The following NLRC3 variants were observed in gnomAD, a reference collection of about 807,000 sequenced individuals.
NLRC3 encodes the protein NLR family CARD domain-containing protein 3.
In NLRC3, 87 loss-of-function variants were observed where a neutral mutation model predicts 91.6. That is an observed-to-expected ratio of 0.95 (90% confidence interval 0.80 to 1.14). The LOEUF (loss-of-function observed/expected upper bound fraction) is 1.14, where lower values mean the gene tolerates loss of function less well. Ranked by LOEUF, NLRC3 falls within the 50% of genes most tolerant of loss-of-function variation. NLRC3 has a pLI of 0.00. For missense variants in NLRC3, 1,577 were observed against 1,418.6 expected (o/e 1.11, Z -1.79); for synonymous variants, 694 against 625.3 (o/e 1.11, Z -1.64).
In NLRC3 at chr16:3,548,133, A is replaced by T. The variant is rs1434933950; in HGVS notation, c.2771+2T>A. ...CTGCAGCCCCTGGGCAGGCCAACTT[A>T]CTCTAAGCTGGTGAGGCTCCTGTTG... On this transcript the variant is annotated splice_donor_variant, in intron 15 of 19. Transcript: ENST00000359128. LOFTEE classifies it high-confidence loss of function. 6.3e-7 allele frequency: 1 copy of T among 1,577,828 alleles called. No individual in the cohort carries two copies. Among genetic ancestry groups the T allele is most frequent in the East Asian group, 2.3e-5 (1 of 43,258 alleles).
Position 3,563,887 on chromosome 16 carries a change from C to A in NLRC3, c.1050G>T (p.Gln350His). ...TCCTCGGGGGCCACAGCTCTGCATC[C>A]TGGGGCCCCGTCCTGCTGCGCCACA... The part of the protein sequence containing the change: ...GHLWRSRTGP[Q>H]DAELWPPRTL... Residue 350 changes from glutamine (Q) to histidine (H), a missense_variant, in exon 5 of 20, where the codon CAG (glutamine) becomes CAT (histidine). Transcript: ENST00000359128. The A allele has an allele frequency of 6.3e-7, 1 of 1,599,508 alleles. No homozygotes were observed.
rs573534010 is a variant in NLRC3, at chr16:3,557,443, G to C, written c.2099+150C>G. The stretch of plus-strand genomic sequence containing the variant: ...AAATGAAGTATGGATATTATGTCCA[G>C]ATGCTACCCAGGGGCTGAATCATGG... On this transcript the variant is annotated intron_variant, in intron 7 of 19. Coordinates refer to ENST00000359128, the MANE Select transcript of NLRC3 (RefSeq NM_178844.4). 5.3e-5 allele frequency: 32 copies of C among 607,890 alleles called. No homozygotes were observed. In the East Asian group the frequency reaches 7.5e-4, roughly 14 times the overall value. 37.7% of individuals were successfully genotyped at this position (607,890 alleles called of 1,614,324 possible). A position where few individuals can be genotyped will look rare whatever the true frequency, so the allele number is the denominator to read the frequency against.
chr16:3,557,823 A>C (rs2039420056), intron 6 of NLRC3, 147 bp from the exon 7 acceptor site: 2 of 612,196 alleles, frequency 3.3e-6, no homozygotes, highest in Admixed American at 5.3e-5. Flanking sequence ...CCCCTGGAGC[A>C]GAATGCCAGG....
At chr16:3,554,361 C>A (rs754484948) in intron 8 of NLRC3, 36 bp from the exon 9 acceptor site, 1 of 1,533,622 alleles carries the variant, frequency 6.5e-7, no homozygotes, top group Admixed American at 1.7e-5. Context: ...ACTGATGGAG[C>A]AGAAGCTGGA....
chr16:3,549,010 C>G lies in NLRC3; in HGVS notation c.2603+132G>C, dbSNP rs906754174. The G allele has an allele frequency of 6.7e-6, 5 of 745,192 alleles. 1 individual carries two copies. The Admixed American group carries it at 6.9e-5, about 10-fold the overall frequency. The allele number at this position is 745,192 out of a possible 1,614,324, so 46.2% of individuals were successfully genotyped here. A position where few individuals can be genotyped will look rare whatever the true frequency, so the allele number is the denominator to read the frequency against. ...GGACTTGCCACCCGATGTCAGGTCT[C>G]CTGGCTGCACCCTCCCCAGCCAGCT... On this transcript the variant is annotated intron_variant, in intron 13 of 19. Coordinates refer to ENST00000359128, the MANE Select transcript of NLRC3 (RefSeq NM_178844.4).
chr16:3,542,796 C>T, intron 17 of NLRC3, 21 bp from the exon 18 acceptor site: 2 of 1,558,424 alleles, frequency 1.3e-6, no homozygotes, highest in East Asian at 2.3e-5. Flanking sequence ...AGACAGGAAG[C>T]CTAAGGCATG....
intron 1 of NLRC3, among the ~76,000 whole-genome samples, chr16:3,574,057 CTG>C (rs2040195883): frequency 9.2e-6 from 1 of 108,660 alleles, no homozygotes; most frequent in African/African-American, 3.6e-5. Flanking sequence ...GAGTCTCACT[CTG>C]TTGCCTAGGC....
At position 3,564,731 on chromosome 16, in the gene NLRC3, G is replaced by T; in HGVS notation, c.206C>A (p.Ala69Asp). 6.3e-7 allele frequency: 1 copy of T among 1,588,176 alleles called. No individual in the cohort carries two copies. The change falls in exon 5 of 20, where the codon GCC becomes GAC. Residue 69 changes from alanine (A) to aspartate (D), a missense_variant. Coordinates refer to ENST00000359128, the MANE Select transcript of NLRC3 (RefSeq NM_178844.4). This position sits in a 1 kb window ranked among gnomAD's most constrained non-coding sequence, Gnocchi z 5.9. ...NDSRIQRHRK[A>D]LLSKVGGGPE... ...GCCACCTCCCACCTTGCTCAGCAGGGCCTTGCGGTGCCTCTGTATCCTTGA... is the reference window on the plus strand; with the variant it reads ...GCCACCTCCCACCTTGCTCAGCAGGTCCTTGCGGTGCCTCTGTATCCTTGA...
At chr16:3,568,425 A>T (rs56403655) in intron 1 of NLRC3, among the ~76,000 whole-genome samples, 5,258 of 152,242 alleles carry the variant, frequency 0.035, 126 homozygotes, top group Admixed American at 0.05. Context: ...AAGAGGGATA[A>T]AAAATATGGG....
At chr16:3,575,984 C>T (rs1305549519) in intron 1 of NLRC3, among the ~76,000 whole-genome samples, 1 of 152,166 alleles carries the variant, frequency 6.6e-6, no homozygotes, top group East Asian at 1.9e-4. Flanking sequence ...AAAAGCCTTC[C>T]CGAAGGAAGA....
Position 3,541,636 on chromosome 16 carries a change from C to T in NLRC3, c.*189G>A. On this transcript the variant is annotated 3_prime_UTR_variant, in exon 20 of 20. Coordinates refer to ENST00000359128, the MANE Select transcript of NLRC3 (RefSeq NM_178844.4). ...GAGTACCCGTCACCCCCTGCCTGGACCACTCCTGCAGCAGAAGAGGAGCTC... is the reference window on the plus strand; with the variant it reads ...GAGTACCCGTCACCCCCTGCCTGGATCACTCCTGCAGCAGAAGAGGAGCTC... The T allele has an allele frequency of 1.7e-6, 1 of 597,340 alleles. No individual in the cohort carries two copies. 37.0% of individuals were successfully genotyped at this position (597,340 alleles called of 1,614,324 possible).
At chr16:3,562,908 G>GC in intron 5 of NLRC3, 101 bp downstream of exon 5, 1 of 1,069,410 alleles carries the variant, frequency 9.4e-7, no homozygotes, top group Non-Finnish European at 1.4e-6. Context: ...TGTTACGGCA[G>GC]CCCTAGGAGA....
chr16:3,544,512 CAG>C, intron 15 of NLRC3, 183 bp from the exon 16 acceptor site: 1 of 594,202 alleles, frequency 1.7e-6, no homozygotes, highest in Non-Finnish European at 3.0e-6. Context: ...ACTAAGCACA[CAG>C]AGGCGTCTGG....
At chr16:3,565,740 C>G (rs2039853873) in intron 2 of NLRC3, among the ~76,000 whole-genome samples, 1 of 151,988 alleles carries the variant, frequency 6.6e-6, no homozygotes, top group South Asian at 2.1e-4. Context: ...ACAGAACGTA[C>G]AACTCCAAGA....
chr16:3,563,559 C>T lies in NLRC3; in HGVS notation c.1378G>A (p.Glu460Lys). The T allele has an allele frequency of 6.2e-7, 1 of 1,611,948 alleles. No individual in the cohort carries two copies. The highest frequency in any genetic ancestry group is 8.5e-7 in the Non-Finnish European group (1 of 1,179,282). Residue 460 changes from glutamate to lysine, a missense_variant, in exon 5 of 20, where the codon GAG becomes AAG. Coordinates refer to ENST00000359128, the MANE Select transcript of NLRC3 (RefSeq NM_178844.4). Reference protein sequence around the residue: ...AYCFTHLSLQEFVAAAYYYGA... With the variant: ...AYCFTHLSLQKFVAAAYYYGA... Reference sequence around the variant, plus strand: ...TAGTAATACGCGGCTGCCACAAACTCCTGCAGGGACAGGTGGGTGAAGCAG... The same window carrying T: ...TAGTAATACGCGGCTGCCACAAACTTCTGCAGGGACAGGTGGGTGAAGCAG...
At chr16:3,566,033 C>G (rs1414056466) in intron 2 of NLRC3, among the ~76,000 whole-genome samples, 1 of 148,686 alleles carries the variant, frequency 6.7e-6, no homozygotes, top group African/African-American at 2.5e-5. Context: ...GAGCAAGACC[C>G]CATCTCTAAG....
At chr16:3,551,173 C>T (rs553445431) in intron 10 of NLRC3, among the ~76,000 whole-genome samples, 146 of 151,446 alleles carry the variant, frequency 9.6e-4, no homozygotes, top group Non-Finnish European at 5.3e-4. Context: ...TTCATTCAGC[C>T]ATGCCTCCAT....
chr16:3,551,463 T>TCATC (rs1225720884), intron 10 of NLRC3, among the ~76,000 whole-genome samples: 4 of 145,670 alleles, frequency 2.7e-5, no homozygotes, highest in Admixed American at 1.4e-4. Flanking sequence ...ATTCATTCAT[T>TCATC]CATCCACATA....
Position 3,564,238 on chromosome 16 carries a change from G to T in NLRC3, c.699C>A (p.Thr233=), listed in dbSNP as rs749636924. 3.1e-6 allele frequency: 5 copies of T among 1,613,020 alleles called. No individual in the cohort carries two copies. The South Asian group carries it at 5.5e-5, about 18-fold the overall frequency. Residue 233 remains threonine (T), a synonymous_variant, in exon 5 of 20, where the codon ACC becomes ACA. Coordinates refer to ENST00000359128, the MANE Select transcript of NLRC3 (RefSeq NM_178844.4). The surrounding 1 kb of genome is among the most constrained non-coding windows in gnomAD (Gnocchi z 5.9). ...CCTTCTTTGGGTCCGTGCAGGCCAC[G>T]GTGTTGGAGAAGTCCAGAGGCGTCC... ...ECRTPLDFSN[T]VACTDPKKEI... is the part of the protein sequence containing the mutation.
Sources: allele counts gnomAD v4.1 joint callset (sites outside exome capture counted in the v4.1 genomes callset), GRCh38; gene constraint gnomAD v4.1.1; non-coding constraint Gnocchi (gnomAD v3.1); transcripts MANE v1.5; gene names NCBI Gene and HGNC (gene_info 2026-07-23, HGNC 2026-07-21).